Variants in GRIK2 observed in about 807,000 individuals in gnomAD.
The protein encoded by GRIK2 is glutamate ionotropic receptor kainate type subunit 2.
A neutral mutation model predicts 100.3 loss-of-function variants in GRIK2; 32 were observed. The ratio of observed to expected loss-of-function variants is 0.32; its 90% CI spans 0.24 to 0.43. The LOEUF is 0.43. Among genes scored for constraint, GRIK2 ranks in the 20% least tolerant of loss-of-function variants. The pLI is 1.00. For synonymous variants in GRIK2, 417 were observed against 389.4 expected, an observed-to-expected ratio of 1.07 and a Z score of -0.83; for missense variants, 843 against 1,114.9, an observed-to-expected ratio of 0.76 and a Z score of 3.47.
chr6:101,743,852 G>A (rs1037900383), intron 7 of GRIK2, among the ~76,000 whole-genome samples: 1 of 152,158 alleles, frequency 6.6e-6, no homozygotes, highest in African/African-American at 2.4e-5. Flanking sequence ...TTGGGAACAG[G>A]TGGTATTTAG....
At chr6:101,733,339 A>T (rs1323725316) in intron 7 of GRIK2, among the ~76,000 whole-genome samples, 2 of 152,150 alleles carry the variant, frequency 1.3e-5, no homozygotes, top group Non-Finnish European at 2.9e-5. Flanking sequence ...CAGGTATAGG[A>T]TAAACATCCC....
intron 7 of GRIK2, among the ~76,000 whole-genome samples, chr6:101,779,939 A>G (rs1778985667): frequency 6.6e-6 from 1 of 152,102 alleles, no homozygotes; most frequent in South Asian, 2.1e-4. Flanking sequence ...TATCTTCATT[A>G]TTGATTTACT....
intron 12 of GRIK2, among the ~76,000 whole-genome samples, chr6:101,900,822 A>G (rs925437513): frequency 1.3e-5 from 2 of 151,802 alleles, no homozygotes; most frequent in African/African-American, 4.8e-5. Flanking sequence ...AGTTAATTCA[A>G]TTTAAATGGC....
intron 2 of GRIK2, among the ~76,000 whole-genome samples, chr6:101,504,194 G>C (rs1042437129): frequency 4.7e-5 from 7 of 150,482 alleles, no homozygotes; most frequent in African/African-American, 1.7e-4. Flanking sequence ...ACTGTGTTTA[G>C]CATACTTTCC....
chr6:101,686,408 A>G (rs1582959508), intron 7 of GRIK2, 55 bp downstream of exon 7: 1 of 1,343,990 alleles, frequency 7.4e-7, no homozygotes, highest in Non-Finnish European at 1.0e-6. Flanking sequence ...TATTGCATAC[A>G]TATGAACTTC....
At chr6:101,760,785 A>G (rs1034389573) in intron 7 of GRIK2, among the ~76,000 whole-genome samples, 11 of 139,830 alleles carry the variant, frequency 7.9e-5, no homozygotes, top group Non-Finnish European at 1.7e-4. Flanking sequence ...AACACAAACT[A>G]TGCCTCTTAA....
At chr6:101,860,273 G>C (rs1455015372) in intron 11 of GRIK2, among the ~76,000 whole-genome samples, 2 of 152,094 alleles carry the variant, frequency 1.3e-5, no homozygotes, top group African/African-American at 4.8e-5. Flanking sequence ...TGGCCATTCA[G>C]ACAGGTTGGG....
At chr6:102,058,108 T>C (rs1771554460) in intron 16 of GRIK2, among the ~76,000 whole-genome samples, 1 of 151,888 alleles carries the variant, frequency 6.6e-6, no homozygotes. Context: ...GGAAGGTATT[T>C]TGCTCATTTC....
chr6:101,923,967 T>C (rs1316826692), intron 12 of GRIK2, among the ~76,000 whole-genome samples: 1 of 151,666 alleles, frequency 6.6e-6, no homozygotes, highest in African/African-American at 2.4e-5. Context: ...TTTGATACTT[T>C]GATATCATGC....
intron 4 of GRIK2, among the ~76,000 whole-genome samples, chr6:101,662,012 C>T (rs1384299603): frequency 6.6e-6 from 1 of 152,144 alleles, no homozygotes; most frequent in Non-Finnish European, 1.5e-5. Flanking sequence ...TAAGTATTTA[C>T]CTAACTCACA....
At chr6:101,692,039 C>CAAAAAAAAAAAAAAA (rs60210939) in intron 7 of GRIK2, among the ~76,000 whole-genome samples, 4 of 78,376 alleles carry the variant, frequency 5.1e-5, no homozygotes, top group African/African-American at 1.9e-4. Context: ...CACCCCGTCT[C>CAAAAAAAAAAAAAAA]AAAAAAAAAA....
chr6:101,735,766 C>T (rs568406222), intron 7 of GRIK2, among the ~76,000 whole-genome samples: 6 of 152,286 alleles, frequency 3.9e-5, no homozygotes, highest in African/African-American at 1.2e-4. Flanking sequence ...CAGGCCCCTC[C>T]TAAATCTCAT....
intron 3 of GRIK2, among the ~76,000 whole-genome samples, chr6:101,622,454 C>T (rs1315994138): frequency 6.6e-6 from 1 of 151,994 alleles, no homozygotes; most frequent in Non-Finnish European, 1.5e-5. Context: ...TCCATTCTTA[C>T]ATCTTTATTT....
At chr6:101,721,178 T>G (rs1402158707) in intron 7 of GRIK2, among the ~76,000 whole-genome samples, 1 of 152,190 alleles carries the variant, frequency 6.6e-6, no homozygotes, top group African/African-American at 2.4e-5. Flanking sequence ...GTTGCTTCAC[T>G]TTTTGCTGTC....
At chr6:101,756,362 T>C (rs1777133995) in intron 7 of GRIK2, among the ~76,000 whole-genome samples, 1 of 81,434 alleles carries the variant, frequency 1.2e-5, no homozygotes, top group Non-Finnish European at 2.1e-5. Context: ...TCTTAGAAAA[T>C]TAAGTTTCTT....
intron 7 of GRIK2, among the ~76,000 whole-genome samples, chr6:101,723,097 G>C (rs1294122684): frequency 6.6e-6 from 1 of 151,972 alleles, no homozygotes; most frequent in Non-Finnish European, 1.5e-5. Flanking sequence ...CTCACTTTTA[G>C]AAAAAAGAAT....
At chr6:101,939,311 A>C (rs1790810504) in intron 14 of GRIK2, among the ~76,000 whole-genome samples, 1 of 151,962 alleles carries the variant, frequency 6.6e-6, no homozygotes, top group African/African-American at 2.4e-5. Context: ...TCGAGAGTAT[A>C]TGTCTTATAT....
intron 2 of GRIK2, among the ~76,000 whole-genome samples, chr6:101,442,708 A>G (rs558016858): frequency 1.3e-5 from 2 of 152,246 alleles, no homozygotes; most frequent in Non-Finnish European, 2.9e-5. Context: ...TTTCTGTAGC[A>G]ACTACTCAAC....
At chr6:101,492,462 T>G in intron 2 of GRIK2, among the ~76,000 whole-genome samples, 1 of 151,968 alleles carries the variant, frequency 6.6e-6, no homozygotes. Context: ...CAAAAATGAC[T>G]ATGGACTCAT....
Sources: gnomAD v4.1 joint callset for allele counts (sites outside exome capture counted in the v4.1 genomes callset) on GRCh38, gnomAD v4.1.1 for gene constraint, MANE v1.5 for transcripts, NCBI Gene and HGNC (gene_info 2026-07-23, HGNC 2026-07-21) for gene names.